M1AP: variants seen among roughly 807,000 people sequenced by gnomAD.
M1AP encodes the protein meiosis 1 arrest protein.
A neutral mutation model predicts 51.2 loss-of-function variants in M1AP; 39 were observed. That is an observed-to-expected ratio of 0.76 (90% CI 0.59 to 1.00). The LOEUF (loss-of-function observed/expected upper bound fraction) is 1.00, where lower values mean the gene tolerates loss of function less well. M1AP is among the 50% of genes least tolerant of loss of function. The pLI is 0.00. For synonymous variants in M1AP, 251 were observed against 249.2 expected (o/e 1.01, Z -0.07); for missense variants, 545 against 641.2 (o/e 0.85, Z 1.62).
At chr2:74,610,012 T>C (rs1173523157) in intron 3 of M1AP, among the ~76,000 whole-genome samples, 1 of 152,144 alleles carries the variant, frequency 6.6e-6, no homozygotes, top group Admixed American at 6.5e-5. Context: ...CTATTTTTTT[T>C]TTTGAGACAG....
intron 4 of M1AP, among the ~76,000 whole-genome samples, chr2:74,599,746 A>G (rs1347584304): frequency 3.3e-5 from 5 of 152,032 alleles, no homozygotes; most frequent in African/African-American, 9.7e-5. Flanking sequence ...ATTCTAGAAT[A>G]TATATTCTCT....
chr2:74,622,845 G>A (rs1229389999), intron 2 of M1AP, among the ~76,000 whole-genome samples: 3 of 151,086 alleles, frequency 2.0e-5, no homozygotes, highest in Non-Finnish European at 2.9e-5. Flanking sequence ...GGAGATGATC[G>A]GAGTTAAAGC....
chr2:74,621,389 T>C (rs532503781), intron 2 of M1AP, among the ~76,000 whole-genome samples: 2 of 152,282 alleles, frequency 1.3e-5, no homozygotes, highest in South Asian at 2.1e-4. Flanking sequence ...CTGTCAAATA[T>C]GGCAGCCACT....
At chr2:74,618,973 A>G in intron 2 of M1AP, 2 of 534,516 alleles carry the variant, frequency 3.7e-6, no homozygotes, top group Admixed American at 3.9e-5. Context: ...CATCTATAGC[A>G]GAACCATGGG....
At chr2:74,633,565 C>A (rs1665892605) in intron 2 of M1AP, among the ~76,000 whole-genome samples, 1 of 152,166 alleles carries the variant, frequency 6.6e-6, no homozygotes, top group Admixed American at 6.5e-5. Flanking sequence ...TATATTCCCA[C>A]TTGCTTGTGC....
intron 3 of M1AP, among the ~76,000 whole-genome samples, chr2:74,612,865 G>T (rs1681450611): frequency 6.6e-6 from 1 of 152,032 alleles, no homozygotes; most frequent in African/African-American, 2.4e-5. Context: ...TTATTCAAAT[G>T]TTTCTTCTGT....
At chr2:74,637,658 A>G (rs542629484) in intron 2 of M1AP, among the ~76,000 whole-genome samples, 64 of 152,318 alleles carry the variant, frequency 4.2e-4, no homozygotes, top group African/African-American at 1.5e-3. Context: ...GGGCTATTTT[A>G]TGCCCTACTA....
chr2:74,648,015 C>A, intron 1 of M1AP: 1 of 985,580 alleles, frequency 1.0e-6, no homozygotes, highest in Non-Finnish European at 1.2e-6. Context: ...GCCTGGGGGC[C>A]CCGCGGAGGA....
intron 4 of M1AP, among the ~76,000 whole-genome samples, chr2:74,602,670 C>A (rs3025974): frequency 0.081 from 12,262 of 152,096 alleles, 1,380 homozygotes; most frequent in African/African-American, 0.25. Context: ...AAGTAAAACA[C>A]TAAGGGAATA....
chr2:74,646,099 T>C (rs186746931), intron 1 of M1AP, among the ~76,000 whole-genome samples: 40 of 152,350 alleles, frequency 2.6e-4, no homozygotes, highest in African/African-American at 9.4e-4. Flanking sequence ...CAGTGCATCA[T>C]GATCAGTAAT....
At chr2:74,600,847 G>A (rs930921172) in intron 4 of M1AP, among the ~76,000 whole-genome samples, 1 of 151,992 alleles carries the variant, frequency 6.6e-6, no homozygotes, top group Non-Finnish European at 1.5e-5. Flanking sequence ...AGTGCAATGG[G>A]GTGGTGAAAT....
intron 7 of M1AP, among the ~76,000 whole-genome samples, chr2:74,568,782 C>G (rs371786270): frequency 6.6e-6 from 1 of 152,212 alleles, no homozygotes; most frequent in African/African-American, 2.4e-5. Flanking sequence ...ATACACCAGG[C>G]TTTCAGTGGA....
chr2:74,563,346 T>C (rs1678159481), intron 7 of M1AP, among the ~76,000 whole-genome samples: 2 of 151,780 alleles, frequency 1.3e-5, no homozygotes, highest in African/African-American at 4.8e-5. Flanking sequence ...ACACCTGTAA[T>C]CCAGCACTTT....
At chr2:74,572,558 T>A (rs1678813206) in intron 7 of M1AP, among the ~76,000 whole-genome samples, 1 of 152,346 alleles carries the variant, frequency 6.6e-6, no homozygotes. Context: ...TGGGCACAAG[T>A]GATCCTTCTG....
At chr2:74,617,850 T>C (rs1315133095) in intron 2 of M1AP, among the ~76,000 whole-genome samples, 1 of 152,202 alleles carries the variant, frequency 6.6e-6, no homozygotes, top group African/African-American at 2.4e-5. Context: ...ACTCTTAGCA[T>C]TTCTAGTGTT....
At chr2:74,574,618 A>G (rs1243920077) in intron 7 of M1AP, among the ~76,000 whole-genome samples, 3 of 152,254 alleles carry the variant, frequency 2.0e-5, no homozygotes, top group African/African-American at 7.2e-5. Context: ...AAAAACTGAA[A>G]TAGATAATGT....
At chr2:74,597,119 A>G (rs1305844516) in intron 4 of M1AP, among the ~76,000 whole-genome samples, 4 of 152,232 alleles carry the variant, frequency 2.6e-5, no homozygotes, top group Admixed American at 6.5e-5. Flanking sequence ...TTATTCCCCA[A>G]TAAAGGAAGG....
intron 7 of M1AP, among the ~76,000 whole-genome samples, chr2:74,573,442 T>C (rs1032397669): frequency 6.6e-6 from 1 of 152,114 alleles, no homozygotes; most frequent in African/African-American, 2.4e-5. Flanking sequence ...AACCTCTGCC[T>C]CCCGGGTTCA....
At chr2:74,623,126 A>C (rs1682165930) in intron 2 of M1AP, among the ~76,000 whole-genome samples, 2 of 152,118 alleles carry the variant, frequency 1.3e-5, no homozygotes, top group African/African-American at 4.8e-5. Context: ...CAGCTAAAAA[A>C]CAAATTATTG....
Sources: allele counts gnomAD v4.1 joint callset (sites outside exome capture counted in the v4.1 genomes callset), GRCh38; gene constraint gnomAD v4.1.1; transcripts MANE v1.5; gene names NCBI Gene and HGNC (gene_info 2026-07-23, HGNC 2026-07-21).